CARF: variants seen among roughly 807,000 people sequenced by gnomAD.
CARF encodes the protein calcium responsive transcription factor, also known as calcium-responsive transcription factor.
In CARF, 57 loss-of-function variants were observed where a neutral mutation model predicts 82.0. That is an observed-to-expected ratio of 0.70 (90% CI 0.56 to 0.87). CARF has a LOEUF of 0.87. Among genes scored for constraint, CARF ranks in the 40% least tolerant of loss-of-function variants. The probability of loss-of-function intolerance (pLI) is 0.00; values close to 1 mark genes in which losing one functional copy is unlikely to be tolerated. For synonymous variants in CARF, 268 were observed against 290.1 expected (o/e 0.92, Z 0.77); for missense variants, 771 against 855.8 (o/e 0.90, Z 1.24).
In CARF at chr2:202,981,685, G is replaced by T; in HGVS notation, c.1689G>T (p.Gln563His). ...AGCCCAAAATATTTACACAACTACA[G>T]GTAGGTATCCAGTAAAATATCCAAA... ...SFQPKIFTQL[Q>H]GLQLQPRYTS... Residue 563 changes from glutamine to histidine, a missense_variant and splice_region_variant, in exon 15 of 17, where the codon CAG (glutamine) becomes CAT (histidine). Gln to His is a conservative substitution (Grantham distance 24). Transcript: ENST00000438828. 1 of 1,609,058 alleles carries T rather than the reference G, an allele frequency of 6.2e-7. No homozygotes were observed. The highest frequency in any genetic ancestry group is 8.5e-7 in the Non-Finnish European group (1 of 1,177,740).
chr2:202,980,158 G>A (rs1190501138), intron 14 of CARF, among the ~76,000 whole-genome samples: 1 of 151,984 alleles, frequency 6.6e-6, no homozygotes, highest in Non-Finnish European at 1.5e-5. Flanking sequence ...AGGTTTCACC[G>A]TGTTGCCCAG....
At chr2:202,937,005 G>A (rs370888260) in intron 3 of CARF, among the ~76,000 whole-genome samples, 6 of 152,194 alleles carry the variant, frequency 3.9e-5, no homozygotes, top group South Asian at 4.1e-4. Flanking sequence ...AACATCATTC[G>A]TTTTCATGTG....
intron 1 of CARF, among the ~76,000 whole-genome samples, chr2:202,917,342 C>T (rs549222503): frequency 5.3e-5 from 8 of 151,692 alleles, no homozygotes; most frequent in Non-Finnish European, 7.4e-5. Flanking sequence ...AGCAATTTGC[C>T]GGCAAAATTT....
At chr2:202,920,430 C>T (rs531946064) in intron 2 of CARF, among the ~76,000 whole-genome samples, 1 of 152,312 alleles carries the variant, frequency 6.6e-6, no homozygotes, top group East Asian at 1.9e-4. Flanking sequence ...GCTGGGATTA[C>T]AGGCGTAAGC....
chr2:202,983,578 T>C lies in CARF; in HGVS notation c.2132T>C (p.Met711Thr). 6.2e-7 allele frequency: 1 copy of C among 1,611,716 alleles called. No individual in the cohort carries two copies. Among genetic ancestry groups the C allele is most frequent in the Non-Finnish European group, 8.5e-7 (1 of 1,179,070 alleles). ...KQEPKEPALSMEAKKTVDYKK... is the reference protein window; with the variant it reads ...KQEPKEPALSTEAKKTVDYKK... ...GAACCCAAAGAACCAGCATTGTCTA[T>C]GGAAGCAAAAAAAACTGTGGACTAT... is the stretch of plus-strand genomic sequence containing the variant. The change falls in exon 17 of 17, where the codon ATG becomes ACG. Residue 711 changes from methionine (M) to threonine (T), a missense_variant. Met to Thr is a moderately conservative substitution (Grantham distance 81). Coordinates refer to ENST00000438828, the MANE Select transcript of CARF (RefSeq NM_024744.17).
At chr2:202,927,664 A>C (rs1316839644) in intron 3 of CARF, among the ~76,000 whole-genome samples, 2 of 152,278 alleles carry the variant, frequency 1.3e-5, no homozygotes, top group Middle Eastern at 3.4e-3. Flanking sequence ...CATCATCTCA[A>C]ACATTTTTCA....
intron 1 of CARF, among the ~76,000 whole-genome samples, chr2:202,914,984 T>A (rs1165567600): frequency 2.6e-5 from 4 of 151,082 alleles, no homozygotes; most frequent in African/African-American, 7.3e-5. Flanking sequence ...AGTTGGAGGG[T>A]TTTTTGGTGG....
rs1553584733 is a variant in CARF at position 202,986,899 on chromosome 2, T to TATATACATATATATATATATAC, written c.*3280_*3281insCATATATATATATATACATATA. Reference sequence around the variant, plus strand: ...ATATATATATATATATATATATATATATATATATAGCAACTTGATGTATAG... The same window carrying TATATACATATATATATATATAC: ...ATATATATATATATATATATATATATATATACATATATATATATATACATATATATAGCAACTTGATGTATAG... On this transcript the variant is annotated 3_prime_UTR_variant, in exon 17 of 17. Coordinates refer to ENST00000438828, the MANE Select transcript of CARF (RefSeq NM_024744.17). The TATATACATATATATATATATAC allele has an allele frequency of 2.9e-5, 4 of 138,132 alleles. No individual in the cohort carries two copies. The highest frequency in any genetic ancestry group is 4.7e-5 in the Non-Finnish European group (3 of 63,558). 8.6% of individuals were successfully genotyped at this position (138,132 alleles called of 1,614,324 possible). A position where few individuals can be genotyped will look rare whatever the true frequency, so the allele number is the denominator to read the frequency against.
chr2:202,975,178 G>A (rs767293792), intron 13 of CARF, among the ~76,000 whole-genome samples: 94 of 152,056 alleles, frequency 6.2e-4, no homozygotes, highest in African/African-American at 1.2e-3. Context: ...GGGTGTGGCC[G>A]GGCTCAGTGG....
In CARF at chr2:202,982,072, G is replaced by A; in HGVS notation, c.1690G>A (p.Gly564Ser). The change falls in exon 16 of 17, where the codon GGT becomes AGT. Residue 564 changes from glycine to serine, a missense_variant and splice_region_variant. Physicochemically the swap from Gly to Ser is moderately conservative, Grantham distance 56 (BLOSUM62 0). Transcript: ENST00000438828. Reference sequence around the variant, plus strand: ...TGATGTACTCTTTTTGGTTTAAAAGGGTTTGCAGTTACAACCAAGGTACAC... The same window carrying A: ...TGATGTACTCTTTTTGGTTTAAAAGAGTTTGCAGTTACAACCAAGGTACAC... ...FQPKIFTQLQGLQLQPRYTSP... is the reference protein window; with the variant it reads ...FQPKIFTQLQSLQLQPRYTSP... The A allele has an allele frequency of 6.2e-7, 1 of 1,611,972 alleles. No individual in the cohort carries two copies. Among genetic ancestry groups the A allele is most frequent in the East Asian group, 2.2e-5 (1 of 44,866 alleles).
intron 8 of CARF, among the ~76,000 whole-genome samples, chr2:202,959,468 T>C (rs557788762): frequency 6.6e-6 from 1 of 152,224 alleles, no homozygotes; most frequent in Non-Finnish European, 1.5e-5. Context: ...TCTAGGTCTC[T>C]GCATTTCATT....
chr2:202,983,776 T>G lies in CARF; in HGVS notation c.*152T>G, dbSNP rs180884745. 1.2e-5 allele frequency: 7 copies of G among 595,474 alleles called. No individual in the cohort carries two copies. In the East Asian group the frequency reaches 1.8e-4, roughly 15 times the overall value. The allele number at this position is 595,474 out of a possible 1,614,324, so 36.9% of individuals were successfully genotyped here. A position where few individuals can be genotyped will look rare whatever the true frequency, so the allele number is the denominator to read the frequency against. ...TTAAAACTGATATATTTGTTGCCAG[T>G]TCCATATTTTTACCTTCCTTAAGAG... is the stretch of plus-strand genomic sequence containing the variant. On this transcript the variant is annotated 3_prime_UTR_variant, in exon 17 of 17. Coordinates refer to ENST00000438828, the MANE Select transcript of CARF (RefSeq NM_024744.17).
intron 5 of CARF, among the ~76,000 whole-genome samples, chr2:202,949,201 G>A (rs938823140): frequency 6.6e-6 from 1 of 151,916 alleles, no homozygotes; most frequent in African/African-American, 2.4e-5. Context: ...AGGCATGGTG[G>A]TGCATACCTG....
At chr2:202,973,255 G>T (rs1163693624) in intron 12 of CARF, among the ~76,000 whole-genome samples, 1 of 152,050 alleles carries the variant, frequency 6.6e-6, no homozygotes, top group African/African-American at 2.4e-5. Flanking sequence ...TATTTCCACT[G>T]GGGCATCATT....
chr2:202,912,570 T>A lies in CARF; in HGVS notation c.-862T>A, dbSNP rs1450846166. On this transcript the variant is annotated 5_prime_UTR_variant, in exon 1 of 17. Coordinates refer to ENST00000438828, the MANE Select transcript of CARF (RefSeq NM_024744.17). ...TCCGCCCCCAGCCGCAGCCGGTCAC[T>A]GGCGGCGCCTTCCGCGCCAAGCTTG... is the stretch of plus-strand genomic sequence containing the variant. 8 of 151,878 alleles carry A rather than the reference T, an allele frequency of 5.3e-5. No individual in the cohort carries two copies. The highest frequency in any genetic ancestry group is 1.9e-4 in the African/African-American group (8 of 41,480). The allele number at this position is 151,878 out of a possible 1,614,324, so 9.4% of individuals were successfully genotyped here. A position where few individuals can be genotyped will look rare whatever the true frequency, so the allele number is the denominator to read the frequency against.
At chr2:202,950,976 T>C (rs2058729135) in intron 5 of CARF, among the ~76,000 whole-genome samples, 1 of 152,226 alleles carries the variant, frequency 6.6e-6, no homozygotes, top group Admixed American at 6.5e-5. Context: ...AGCATTCTAG[T>C]TTGTTGAAGT....
chr2:202,983,612 A>T lies in CARF; in HGVS notation c.2166A>T (p.Leu722Phe), dbSNP rs774262822. Residue 722 changes from leucine (L) to phenylalanine (F), a missense_variant, in exon 17 of 17, where the codon TTA becomes TTT. Coordinates refer to ENST00000438828, the MANE Select transcript of CARF (RefSeq NM_024744.17). ...AAAAAACTGTGGACTATAAGAAATT[A>T]TCTGCTACATAAATTATTGAAGCTT... The part of the protein sequence containing the change: ...EAKKTVDYKK[L>F]SAT 6.3e-7 allele frequency: 1 copy of T among 1,579,626 alleles called. No homozygotes were observed. The highest frequency in any genetic ancestry group is 1.7e-5 in the Admixed American group (1 of 58,572).
At chr2:202,925,738 C>T (rs1691681343) in intron 3 of CARF, 1 of 182,060 alleles carries the variant, frequency 5.5e-6, no homozygotes, top group African/African-American at 2.4e-5. Flanking sequence ...CCAAGCAAGA[C>T]ATGGCCTGTC....
chr2:202,971,871 T>A (rs189042144), intron 12 of CARF, 133 bp downstream of exon 12: 5 of 534,150 alleles, frequency 9.4e-6, no homozygotes, highest in African/African-American at 7.6e-5. Context: ...TATTAATTTA[T>A]TAAAATAATC....
Sources: gnomAD v4.1 joint callset for allele counts (sites outside exome capture counted in the v4.1 genomes callset) on GRCh38, gnomAD v4.1.1 for gene constraint, MANE v1.5 for transcripts, NCBI Gene and HGNC (gene_info 2026-07-23, HGNC 2026-07-21) for gene names.